COL14A1: variants seen among roughly 807,000 people sequenced by gnomAD.
COL14A1 encodes collagen alpha-1(XIV) chain.
Under a neutral mutation model 230.3 loss-of-function variants are expected in COL14A1, and 136 were observed. The ratio of observed to expected loss-of-function variants is 0.59; its 90% confidence interval spans 0.51 to 0.68. The LOEUF (loss-of-function observed/expected upper bound fraction) is 0.68, where lower values mean the gene tolerates loss of function less well. COL14A1 is among the 30% of genes least tolerant of loss of function. The probability of loss-of-function intolerance (pLI) is 0.00; values close to 1 mark genes in which losing one functional copy is unlikely to be tolerated. For missense variants in COL14A1, 1,976 were observed against 2,215.8 expected (o/e 0.89, Z 2.17); for synonymous variants, 792 against 784.1 (o/e 1.01, Z -0.17).
chr8:120,264,490 C>T (rs754371664), intron 24 of COL14A1, among the ~76,000 whole-genome samples: 2 of 152,098 alleles, frequency 1.3e-5, no homozygotes, highest in Non-Finnish European at 2.9e-5. Context: ...AAATTAAATA[C>T]CTACTCTCTT....
intron 40 of COL14A1, among the ~76,000 whole-genome samples, chr8:120,330,505 A>G (rs1054675979): frequency 6.6e-6 from 1 of 152,096 alleles, no homozygotes; most frequent in Non-Finnish European, 1.5e-5. Flanking sequence ...GTGCAGGGGA[A>G]CCCCATTTAT....
At chr8:120,258,638 GA>G (rs1167857402) in intron 23 of COL14A1, among the ~76,000 whole-genome samples, 6 of 147,644 alleles carry the variant, frequency 4.1e-5, no homozygotes, top group East Asian at 2.0e-4. Flanking sequence ...TTATGGCCAA[GA>G]AAAAAAAAAG....
At chr8:120,208,202 C>CTA in intron 10 of COL14A1, 30 bp from the exon 11 acceptor site, 1 of 1,573,426 alleles carries the variant, frequency 6.4e-7, no homozygotes, top group Non-Finnish European at 8.7e-7. Flanking sequence ...ATATTCCATA[C>CTA]TCTCATTACT....
chr8:120,318,183 G>A (rs188230833), intron 40 of COL14A1, among the ~76,000 whole-genome samples: 9 of 152,300 alleles, frequency 5.9e-5, no homozygotes, highest in East Asian at 1.9e-4. Flanking sequence ...TCAATCAGCC[G>A]TGTCTTCATT....
In COL14A1 at chr8:120,250,781, C is replaced by T. The variant is rs367650881; in HGVS notation, c.2752+15C>T. ...GGTGAAAACATGTAAGAGCCATTTC[C>T]GATGGCCTCAGCCGCATATGGGTTT... On this transcript the variant is annotated intron_variant, in intron 22 of 47. Transcript: ENST00000297848. 179 of 1,613,204 alleles carry T rather than the reference C, an allele frequency of 1.1e-4. 1 individual carries two copies. Among genetic ancestry groups the T allele is most frequent in the Middle Eastern group, 3.3e-4 (2 of 6,078 alleles).
chr8:120,203,389 A>C (rs917819520), intron 8 of COL14A1, among the ~76,000 whole-genome samples: 52 of 152,046 alleles, frequency 3.4e-4, no homozygotes, highest in African/African-American at 1.2e-3. Flanking sequence ...CCAGAACACA[A>C]GCATATAACA....
intron 5 of COL14A1, among the ~76,000 whole-genome samples, chr8:120,176,550 C>G (rs1816288230): frequency 6.6e-6 from 1 of 152,104 alleles, no homozygotes; most frequent in Non-Finnish European, 1.5e-5. Context: ...TCTGGCAAAC[C>G]CAGGACTGTG....
intron 20 of COL14A1, among the ~76,000 whole-genome samples, chr8:120,244,631 A>T (rs1272454608): frequency 6.6e-6 from 1 of 152,128 alleles, no homozygotes; most frequent in Non-Finnish European, 1.5e-5. Flanking sequence ...GTGAGAACAT[A>T]TGATGTTTGG....
At chr8:120,235,537 A>AT in intron 19 of COL14A1, among the ~76,000 whole-genome samples, 2 of 151,938 alleles carry the variant, frequency 1.3e-5, no homozygotes, top group East Asian at 3.9e-4. Flanking sequence ...CTAGTGGTCT[A>AT]TTTATTTTTT....
chr8:120,242,133 C>A (rs2130847163), intron 19 of COL14A1, among the ~76,000 whole-genome samples: 1 of 152,226 alleles, frequency 6.6e-6, no homozygotes, highest in East Asian at 1.9e-4. Context: ...TGGGTCTAAT[C>A]CTCAAGATAC....
rs769633877 is a variant in COL14A1, at chr8:120,243,976, A to G, written c.2447A>G (p.Glu816Gly). The change falls in exon 20 of 48, where the codon GAA (glutamate) becomes GGA (glycine). Residue 816 changes from glutamate (E) to glycine (G), a missense_variant. Transcript: ENST00000297848. ...GTGACTCCCATCTACACGGATGGCG[A>G]AGGCGTCAGCGTCTCCGCTCCTGGA... ...VTVTPIYTDG[E>G]GVSVSAPGKT... 2.5e-6 allele frequency: 4 copies of G among 1,613,328 alleles called. No individual in the cohort carries two copies. In the Admixed American group the frequency reaches 6.7e-5, roughly 27 times the overall value.
At chr8:120,301,226 G>A (rs1211751226) in intron 36 of COL14A1, among the ~76,000 whole-genome samples, 2 of 152,106 alleles carry the variant, frequency 1.3e-5, no homozygotes, top group Admixed American at 1.3e-4. Context: ...AGGTTCAGGG[G>A]TACATGCGAA....
chr8:120,199,580 A>T lies in COL14A1; in HGVS notation c.877+14A>T, dbSNP rs762755575. The T allele has an allele frequency of 6.2e-7, 1 of 1,605,280 alleles. No individual in the cohort carries two copies. Reference sequence around the variant, plus strand: ...TGTTTGCCATAGGTATGTGCTCTTTATAGTCTTGTTTCAACTAAGGGCATA... The same window carrying T: ...TGTTTGCCATAGGTATGTGCTCTTTTTAGTCTTGTTTCAACTAAGGGCATA... On this transcript the variant is annotated intron_variant, in intron 8 of 47. Coordinates refer to ENST00000297848, the MANE Select transcript of COL14A1 (RefSeq NM_021110.4).
At chr8:120,249,310 C>T (rs1818868229) in intron 21 of COL14A1, among the ~76,000 whole-genome samples, 2 of 152,018 alleles carry the variant, frequency 1.3e-5, no homozygotes, top group African/African-American at 4.8e-5. Flanking sequence ...CTATTGTCTT[C>T]AGGCCCGTAA....
In COL14A1 at chr8:120,159,447, A is replaced by G. The variant is rs1815586290; in HGVS notation, c.205+1201A>G. 2.0e-5 allele frequency among the ~76,000 whole-genome samples: 3 copies of G among 152,212 alleles called. No individual in the cohort carries two copies. In the South Asian group the frequency reaches 6.2e-4, roughly 32 times the overall value. On this transcript the variant is annotated intron_variant, in intron 3 of 47. Transcript: ENST00000297848. ...ACTTAATAATACATATTTGTATAATATATATTTATGTAAACATAATTATTT... is the reference window on the plus strand; with the variant it reads ...ACTTAATAATACATATTTGTATAATGTATATTTATGTAAACATAATTATTT...
rs1812205912 is a variant in COL14A1, at chr8:120,372,868, C to T, written c.*1637C>T. ...CTAAACAAATCAGTTTTTTTGGTGT[C>T]TTTGCAGGGAATGAAAGAAGATAAT... On this transcript the variant is annotated 3_prime_UTR_variant, in exon 48 of 48. Transcript: ENST00000297848. Among the ~76,000 whole-genome samples, 3 of 152,036 alleles carry T rather than the reference C, an allele frequency of 2.0e-5. No individual in the cohort carries two copies. Among genetic ancestry groups the T allele is most frequent in the Admixed American group, 2.0e-4 (3 of 15,260 alleles).
chr8:120,339,089 G>A (rs1322629039), intron 42 of COL14A1, among the ~76,000 whole-genome samples: 2 of 152,200 alleles, frequency 1.3e-5, no homozygotes, highest in Non-Finnish European at 2.9e-5. Flanking sequence ...CTCCCGAGTA[G>A]CTGGGACTAC....
intron 40 of COL14A1, among the ~76,000 whole-genome samples, chr8:120,330,875 G>A (rs1314270918): frequency 6.6e-6 from 1 of 152,146 alleles, no homozygotes; most frequent in Non-Finnish European, 1.5e-5. Context: ...GGAGGCCGAG[G>A]CAGGCAGATC....
At chr8:120,163,677 C>A (rs1457626043) in intron 4 of COL14A1, among the ~76,000 whole-genome samples, 1 of 152,134 alleles carries the variant, frequency 6.6e-6, no homozygotes, top group East Asian at 1.9e-4. Context: ...GCAGGAGAAT[C>A]GCTTGAACCC....
Sources: gnomAD v4.1 joint callset for allele counts (sites outside exome capture counted in the v4.1 genomes callset) on GRCh38, gnomAD v4.1.1 for gene constraint, MANE v1.5 for transcripts, NCBI Gene and HGNC (gene_info 2026-07-23, HGNC 2026-07-21) for gene names.